The following STK3 variants were observed in gnomAD, a reference collection of about 807,000 sequenced individuals.
STK3 encodes the protein serine/threonine kinase 3, also known as serine/threonine-protein kinase 3.
Under a neutral mutation model 58.0 loss-of-function variants are expected in STK3, and 41 were observed. The observed-to-expected ratio is 0.71, with a 90% CI of 0.55 to 0.92. The LOEUF (loss-of-function observed/expected upper bound fraction) is 0.92, where lower values mean the gene tolerates loss of function less well. Ranked by LOEUF, STK3 falls within the 40% of genes least tolerant of loss-of-function variation. The pLI, the probability that STK3 is intolerant of heterozygous loss-of-function variation, is 0.00. For synonymous variants in STK3, 170 were observed against 191.0 expected (o/e 0.89, Z 0.91); for missense variants, 479 against 602.7 (o/e 0.79, Z 2.15).
At chr8:98,371,989 G>A (rs967907987) in intron 2 of STK3, among the ~76,000 whole-genome samples, 7 of 152,092 alleles carry the variant, frequency 4.6e-5, no homozygotes, top group Non-Finnish European at 8.8e-5. Flanking sequence ...CAGGGGGAGG[G>A]GGGTCCTTAA....
intron 1 of STK3, among the ~76,000 whole-genome samples, chr8:98,812,211 TA>T (rs1224639536): frequency 6.6e-6 from 1 of 152,314 alleles, no homozygotes; most frequent in East Asian, 1.9e-4. Context: ...TGATTTTTCT[TA>T]AAAAATTCAA....
At chr8:98,581,750 A>G (rs1404874292) in intron 7 of STK3, among the ~76,000 whole-genome samples, 1 of 151,900 alleles carries the variant, frequency 6.6e-6, no homozygotes, top group Non-Finnish European at 1.5e-5. Context: ...TGAGGGAAAA[A>G]GAAACCCCAG....
intron 8 of STK3, among the ~76,000 whole-genome samples, chr8:98,564,947 G>T (rs1812356843): frequency 6.6e-6 from 1 of 151,946 alleles, no homozygotes; most frequent in African/African-American, 2.4e-5. Context: ...ACGAATATAA[G>T]ATATTAATAA....
intron 6 of STK3, chr8:98,603,235 T>C (rs889058608): frequency 6.4e-5 from 9 of 140,258 alleles, no homozygotes; most frequent in African/African-American, 2.3e-4. Context: ...GTCTACAGTG[T>C]TTTTTTTTTT....
At chr8:98,525,201 A>G (rs965624936) in intron 10 of STK3, among the ~76,000 whole-genome samples, 1 of 152,218 alleles carries the variant, frequency 6.6e-6, no homozygotes, top group Non-Finnish European at 1.5e-5. Flanking sequence ...GTTCTCACGT[A>G]TAAGTAGGAG....
intron 2 of STK3, among the ~76,000 whole-genome samples, chr8:98,772,542 T>C (rs1831382416): frequency 6.6e-6 from 1 of 151,862 alleles, no homozygotes; most frequent in African/African-American, 2.4e-5. Flanking sequence ...CTACTAAAAA[T>C]ATGAAAATTA....
At chr8:98,594,947 G>A (rs1456916242) in intron 7 of STK3, 1 of 152,058 alleles carries the variant, frequency 6.6e-6, no homozygotes, top group Non-Finnish European at 1.5e-5. Flanking sequence ...TGTGTACATA[G>A]GTGTATTTTT....
At chr8:98,913,527 G>A (rs990462238) in intron 1 of STK3, among the ~76,000 whole-genome samples, 3 of 152,244 alleles carry the variant, frequency 2.0e-5, no homozygotes, top group African/African-American at 7.2e-5. Flanking sequence ...ACACACACTT[G>A]CTGTGCAAGA....
At chr8:98,679,617 G>A (rs1318117277) in intron 6 of STK3, among the ~76,000 whole-genome samples, 1 of 152,126 alleles carries the variant, frequency 6.6e-6, no homozygotes, top group Non-Finnish European at 1.5e-5. Context: ...TCCTGCTGCT[G>A]CATCCCTAGT....
At chr8:98,486,428 G>A (rs559374472) in intron 10 of STK3, among the ~76,000 whole-genome samples, 1 of 152,244 alleles carries the variant, frequency 6.6e-6, no homozygotes, top group African/African-American at 2.4e-5. Flanking sequence ...TAAGGTGTGT[G>A]TAAAGCCACT....
In STK3 at chr8:98,706,640, A is replaced by G; in HGVS notation, c.517-6T>C. 2.5e-6 allele frequency: 4 copies of G among 1,574,588 alleles called. No homozygotes were observed. The highest frequency in any genetic ancestry group is 2.3e-5 in the East Asian group (1 of 42,878). On this transcript the variant is annotated splice_polypyrimidine_tract_variant and splice_region_variant and intron_variant, in intron 5 of 10. Coordinates refer to ENST00000419617, the MANE Select transcript of STK3 (RefSeq NM_006281.4). ...TTGCGTTTTGCCATTGTATCCTGCA[A>G]TAATGTTACATAGCCATAAATGCTA...
chr8:98,611,993 A>G, intron 6 of STK3, among the ~76,000 whole-genome samples: 1 of 151,358 alleles, frequency 6.6e-6, no homozygotes, highest in East Asian at 1.9e-4. Context: ...GGCAACAACA[A>G]TCAAACTGTT....
At chr8:98,611,223 A>T (rs1410322571) in intron 6 of STK3, among the ~76,000 whole-genome samples, 4 of 152,192 alleles carry the variant, frequency 2.6e-5, no homozygotes. Flanking sequence ...GTACAAATCA[A>T]TTTCACAAAA....
intron 4 of STK3, among the ~76,000 whole-genome samples, chr8:98,711,192 G>C (rs1416642700): frequency 2.0e-5 from 3 of 152,124 alleles, no homozygotes; most frequent in African/African-American, 7.2e-5. Context: ...AGAAAAAACA[G>C]AGCAGAAAAA....
At chr8:98,929,797 G>A (rs1406197799) in intron 1 of STK3, among the ~76,000 whole-genome samples, 2 of 152,126 alleles carry the variant, frequency 1.3e-5, no homozygotes, top group African/African-American at 4.8e-5. Flanking sequence ...TAATTATCAT[G>A]ATTTTCTCTG....
chr8:98,798,056 A>G (rs1184381998), intron 1 of STK3, among the ~76,000 whole-genome samples: 1 of 152,168 alleles, frequency 6.6e-6, no homozygotes, highest in Non-Finnish European at 1.5e-5. Context: ...AATCAAAGAG[A>G]CTTCACCTTC....
chr8:98,695,985 C>T lies in STK3; in HGVS notation c.684+10482G>A, dbSNP rs531743687. Reference sequence around the variant, plus strand: ...GGCCATTTTCACGATATTGATTCTTCCTACCCATGAGCATGGAATGTTCTT... The same window carrying T: ...GGCCATTTTCACGATATTGATTCTTTCTACCCATGAGCATGGAATGTTCTT... On this transcript the variant is annotated intron_variant, in intron 6 of 10. Coordinates refer to ENST00000419617, the MANE Select transcript of STK3 (RefSeq NM_006281.4). Among the ~76,000 whole-genome samples, 375 of 152,116 alleles carry T rather than the reference C, an allele frequency of 2.5e-3. 1 individual carries two copies. The highest frequency in any genetic ancestry group is 4.9e-3 in the Non-Finnish European group (330 of 67,978).
chr8:98,604,778 TC>T (rs1758785134), intron 6 of STK3, among the ~76,000 whole-genome samples: 1 of 152,170 alleles, frequency 6.6e-6, no homozygotes, highest in Non-Finnish European at 1.5e-5. Flanking sequence ...ATGTTCTGCT[TC>T]CCCTTTAAAT....
chr8:98,716,092 C>T (rs1238601460), intron 4 of STK3, among the ~76,000 whole-genome samples: 1 of 151,904 alleles, frequency 6.6e-6, no homozygotes, highest in Non-Finnish European at 1.5e-5. Flanking sequence ...AATGAGAACA[C>T]ATGGACACAG....
Sources: gnomAD v4.1 joint callset for allele counts (sites outside exome capture counted in the v4.1 genomes callset) on GRCh38, gnomAD v4.1.1 for gene constraint, MANE v1.5 for transcripts, NCBI Gene and HGNC (gene_info 2026-07-23, HGNC 2026-07-21) for gene names.